Variants in SPNS3 observed in about 807,000 individuals in gnomAD.
SPNS3 encodes SPNS lysolipid transporter 3, sphingosine-1-phosphate (putative), also known as protein spinster homolog 3.
Under a neutral mutation model 54.4 loss-of-function variants are expected in SPNS3, and 51 were observed. The ratio of observed to expected loss-of-function variants is 0.94; its 90% CI spans 0.75 to 1.18. The LOEUF (loss-of-function observed/expected upper bound fraction) is 1.18, where lower values mean the gene tolerates loss of function less well. Among genes scored for constraint, SPNS3 ranks in the 50% most tolerant of loss-of-function variants. The probability of loss-of-function intolerance (pLI) is 0.00; values close to 1 mark genes in which losing one functional copy is unlikely to be tolerated. For synonymous variants in SPNS3, 309 were observed against 294.7 expected (o/e 1.05, Z -0.50); for missense variants, 669 against 677.4 (o/e 0.99, Z 0.14).
At chr17:4,477,044 C>A (rs1414257160) in intron 8 of SPNS3, among the ~76,000 whole-genome samples, 2 of 152,234 alleles carry the variant, frequency 1.3e-5, no homozygotes, top group Non-Finnish European at 2.9e-5. Context: ...CCCTGCCCAT[C>A]TCGGGGTGTC....
intron 8 of SPNS3, among the ~76,000 whole-genome samples, chr17:4,463,247 A>C (rs907554816): frequency 5.9e-5 from 9 of 151,614 alleles, no homozygotes; most frequent in Admixed American, 4.6e-4. Context: ...GAAATACAGA[A>C]ATTAGCCAGG....
intron 8 of SPNS3, among the ~76,000 whole-genome samples, chr17:4,454,858 C>T (rs1215853298): frequency 2.0e-5 from 3 of 151,302 alleles, no homozygotes; most frequent in Non-Finnish European, 2.9e-5. Context: ...CTCCTGACCT[C>T]GTGATCCACC....
At chr17:4,448,114 T>C (rs549112982) in intron 5 of SPNS3, 41 bp from the exon 6 acceptor site, 7 of 1,533,324 alleles carry the variant, frequency 4.6e-6, no homozygotes, top group South Asian at 3.8e-5. Context: ...TGGGCTGTGA[T>C]AATATGCGGC....
rs62067390 is a variant in SPNS3 at position 4,441,982 on chromosome 17, A to G, written c.265+2259A>G. 1.6e-3 allele frequency among the ~76,000 whole-genome samples: 44 copies of G among 27,076 alleles called. 2 individuals are homozygous for G. The highest frequency in any genetic ancestry group is 4.5e-3 in the South Asian group (4 of 880). 17.8% of individuals were successfully genotyped at this position (27,076 alleles called of 152,430 possible). ...TACAAGTCCTGGGCCACGGAGGGAGAAGTGTGTGTGTGTGTGTGTGTGTGT... is the reference window on the plus strand; with the variant it reads ...TACAAGTCCTGGGCCACGGAGGGAGGAGTGTGTGTGTGTGTGTGTGTGTGT... On this transcript the variant is annotated intron_variant, in intron 2 of 11. Coordinates refer to ENST00000355530, the MANE Select transcript of SPNS3 (RefSeq NM_182538.5).
chr17:4,476,719 A>G (rs1597339997), intron 8 of SPNS3, among the ~76,000 whole-genome samples: 1 of 151,968 alleles, frequency 6.6e-6, no homozygotes, highest in South Asian at 2.1e-4. Context: ...GCCCGGCCCC[A>G]TGTCCTAGGC....
intron 1 of SPNS3, among the ~76,000 whole-genome samples, chr17:4,435,450 A>AAT (rs1970690083): frequency 6.8e-6 from 1 of 147,474 alleles, no homozygotes; most frequent in African/African-American, 2.6e-5. Flanking sequence ...CAAAAAAAAA[A>AAT]AAATAAAAAA....
In SPNS3 at chr17:4,453,219, T is replaced by C. The variant is rs1971216350; in HGVS notation, c.1113+14T>C. ...CTGGCCTCCTATGTAAGTGAGAGCC[T>C]CTATGGAGGTGGGGACAGGGTTGGG... On this transcript the variant is annotated intron_variant, in intron 8 of 11. Transcript: ENST00000355530. The C allele has an allele frequency of 6.2e-7, 1 of 1,605,640 alleles. No homozygotes were observed.
At chr17:4,458,957 C>A (rs551629854) in intron 8 of SPNS3, among the ~76,000 whole-genome samples, 1 of 152,220 alleles carries the variant, frequency 6.6e-6, no homozygotes, top group South Asian at 2.1e-4. Context: ...CCTTAGGAGC[C>A]TTATTCCTCC....
chr17:4,457,265 G>A (rs1278327309), intron 8 of SPNS3, among the ~76,000 whole-genome samples: 4 of 152,190 alleles, frequency 2.6e-5, no homozygotes, highest in Non-Finnish European at 5.9e-5. Flanking sequence ...GGTGGCACAT[G>A]CCTGTAGTCC....
intron 8 of SPNS3, among the ~76,000 whole-genome samples, chr17:4,454,918 C>T (rs1313187321): frequency 9.6e-5 from 3 of 31,196 alleles, no homozygotes; most frequent in African/African-American, 3.4e-4. Flanking sequence ...CCACTGCACC[C>T]AGCCTTTTTT....
At chr17:4,479,024 C>T (rs2003841) in intron 9 of SPNS3, among the ~76,000 whole-genome samples, 351 of 152,310 alleles carry the variant, frequency 2.3e-3, no homozygotes, top group African/African-American at 6.1e-3. Flanking sequence ...CTCACTGCAA[C>T]GTCTGCCTCC....
rs1295233229 is a variant in SPNS3, at chr17:4,483,542, CTG to C, written c.1180-2683_1180-2682del. The C allele has an allele frequency of 6.6e-6, 1 of 152,068 alleles. No homozygotes were observed. Among genetic ancestry groups the C allele is most frequent in the East Asian group, 1.9e-4 (1 of 5,194 alleles). The allele number at this position is 152,068 out of a possible 1,614,324, so 9.4% of individuals were successfully genotyped here. ...AAGGGGCCAGCCTACCTGGACCTAA[CTG>C]TGGGGGTCCCAGCAGCCCCAGCCTC... On this transcript the variant is annotated intron_variant, in intron 9 of 11. Coordinates refer to ENST00000355530, the MANE Select transcript of SPNS3 (RefSeq NM_182538.5). The surrounding 1 kb of genome is among the most constrained non-coding windows in gnomAD (Gnocchi z 4.2).
chr17:4,472,316 T>C (rs1971876143), intron 8 of SPNS3, among the ~76,000 whole-genome samples: 1 of 152,218 alleles, frequency 6.6e-6, no homozygotes, highest in East Asian at 1.9e-4. Context: ...TGGATGACTC[T>C]TTGTCTTTGA....
intron 9 of SPNS3, among the ~76,000 whole-genome samples, chr17:4,484,060 T>C (rs1972244744): frequency 6.6e-6 from 1 of 152,132 alleles, no homozygotes; most frequent in South Asian, 2.1e-4. Flanking sequence ...AATGCATAAA[T>C]ATTGCTAGAA....
chr17:4,452,927 AG>A, intron 7 of SPNS3, 88 bp from the exon 8 acceptor site: 1 of 1,323,578 alleles, frequency 7.6e-7, no homozygotes, highest in African/African-American at 1.5e-5. Flanking sequence ...ACTTGAGCCG[AG>A]GGGCTAGACC....
In SPNS3 at chr17:4,445,180, TGCCCCTGTCCAG is replaced by T; in HGVS notation, c.402+20_402+31del. ...TCATCTCCCCCCGGGTACGTGTCCATGCCCCTGTCCAGGCCCCTGAGGCCCCTTCCCCACCTG... is the reference window on the plus strand; with the variant it reads ...TCATCTCCCCCCGGGTACGTGTCCATGCCCCTGAGGCCCCTTCCCCACCTG... On this transcript the variant is annotated intron_variant, in intron 3 of 11. Coordinates refer to ENST00000355530, the MANE Select transcript of SPNS3 (RefSeq NM_182538.5). The T allele has an allele frequency of 1.2e-6, 2 of 1,610,182 alleles. No individual in the cohort carries two copies. Among genetic ancestry groups the T allele is most frequent in the Non-Finnish European group, 1.7e-6 (2 of 1,177,486 alleles).
chr17:4,472,327 C>T (rs1449067500), intron 8 of SPNS3, among the ~76,000 whole-genome samples: 1 of 152,226 alleles, frequency 6.6e-6, no homozygotes, highest in Non-Finnish European at 1.5e-5. Context: ...TTGTCTTTGA[C>T]TCTCCCTGCC....
intron 8 of SPNS3, among the ~76,000 whole-genome samples, chr17:4,464,914 C>T (rs905364106): frequency 1.3e-5 from 2 of 152,156 alleles, no homozygotes; most frequent in Non-Finnish European, 2.9e-5. Context: ...CTCCTGACCT[C>T]AGGTGATCCA....
chr17:4,480,266 C>T lies in SPNS3; in HGVS notation c.1179+1629C>T, dbSNP rs375293284. 2.2e-3 allele frequency among the ~76,000 whole-genome samples: 342 copies of T among 152,284 alleles called. 3 individuals are homozygous for T. The highest frequency in any genetic ancestry group is 7.5e-3 in the African/African-American group (310 of 41,554). ...ACTTGGGCTCCAGCCCAGAGTCAGC[C>T]GCAGACCTGCTACATGGCCCTGGGC... On this transcript the variant is annotated intron_variant, in intron 9 of 11. Coordinates refer to ENST00000355530, the MANE Select transcript of SPNS3 (RefSeq NM_182538.5).
Sources: gnomAD v4.1 joint callset for allele counts (sites outside exome capture counted in the v4.1 genomes callset) on GRCh38, gnomAD v4.1.1 for gene constraint, Gnocchi (gnomAD v3.1) non-coding constraint, MANE v1.5 for transcripts, NCBI Gene and HGNC (gene_info 2026-07-23, HGNC 2026-07-21) for gene names.